The following AGBL4 variants were observed in gnomAD, a reference collection of about 807,000 sequenced individuals.
The protein encoded by AGBL4 is cytosolic carboxypeptidase 6.
A neutral mutation model predicts 66.4 loss-of-function variants in AGBL4; 58 were observed. The ratio of observed to expected loss-of-function variants is 0.87; its 90% CI spans 0.71 to 1.09. The LOEUF is 1.09. Among genes scored for constraint, AGBL4 ranks in the 50% least tolerant of loss-of-function variants. The pLI, the probability that AGBL4 is intolerant of heterozygous loss-of-function variation, is 0.00. For synonymous variants in AGBL4, 234 were observed against 222.9 expected (o/e 1.05, Z -0.44); for missense variants, 579 against 631.0 (o/e 0.92, Z 0.88).
intron 9 of AGBL4, among the ~76,000 whole-genome samples, chr1:48,628,992 T>C (rs896949483): frequency 6.6e-6 from 1 of 151,898 alleles, no homozygotes; most frequent in Non-Finnish European, 1.5e-5. Context: ...CCTATTAATC[T>C]CTGTAACCCC....
intron 6 of AGBL4, among the ~76,000 whole-genome samples, chr1:48,840,066 T>C (rs1162065734): frequency 6.6e-6 from 1 of 152,144 alleles, no homozygotes; most frequent in Non-Finnish European, 1.5e-5. Context: ...AGTGGAAAGA[T>C]GATGAGTGTG....
intron 2 of AGBL4, among the ~76,000 whole-genome samples, chr1:49,833,956 T>G (rs969858914): frequency 6.6e-6 from 1 of 152,184 alleles, no homozygotes; most frequent in Admixed American, 6.5e-5. Context: ...CAATTTGACT[T>G]CCTCTTTGTG....
At chr1:49,681,078 C>A (rs1262523915) in intron 3 of AGBL4, among the ~76,000 whole-genome samples, 1 of 151,936 alleles carries the variant, frequency 6.6e-6, no homozygotes, top group Non-Finnish European at 1.5e-5. Context: ...TTCTTTGTAT[C>A]TTCTATTTCA....
At chr1:48,957,574 A>G (rs185484234) in intron 5 of AGBL4, among the ~76,000 whole-genome samples, 22 of 152,296 alleles carry the variant, frequency 1.4e-4, no homozygotes, top group African/African-American at 5.1e-4. Context: ...CACCAACAAC[A>G]GATGATTTCC....
chr1:49,031,982 G>GA (rs1475924238), intron 5 of AGBL4, among the ~76,000 whole-genome samples: 3 of 152,090 alleles, frequency 2.0e-5, no homozygotes, highest in African/African-American at 7.2e-5. Flanking sequence ...ATTCCATGAA[G>GA]AAAAAAATGT....
At chr1:48,780,692 TAATA>T (rs1231709216) in intron 6 of AGBL4, among the ~76,000 whole-genome samples, 2 of 152,202 alleles carry the variant, frequency 1.3e-5, no homozygotes, top group Non-Finnish European at 2.9e-5. Flanking sequence ...ATTCCCTGTT[TAATA>T]AATAGTGTTA....
intron 7 of AGBL4, among the ~76,000 whole-genome samples, chr1:48,654,000 A>G (rs1224565416): frequency 6.6e-6 from 1 of 152,086 alleles, no homozygotes. Context: ...TGTACTCCAA[A>G]TGTGCTTCTT....
At chr1:48,654,039 G>T in intron 7 of AGBL4, among the ~76,000 whole-genome samples, 1 of 152,114 alleles carries the variant, frequency 6.6e-6, no homozygotes, top group East Asian at 1.9e-4. Context: ...TCTGTTCCAG[G>T]ACTCCAGGGA....
intron 1 of AGBL4, among the ~76,000 whole-genome samples, chr1:50,008,047 G>A (rs1661266303): frequency 6.6e-6 from 1 of 152,144 alleles, no homozygotes; most frequent in African/African-American, 2.4e-5. Flanking sequence ...TAGAGTTGAA[G>A]AGATAGATAG....
chr1:49,416,035 A>G (rs532660545), intron 3 of AGBL4, among the ~76,000 whole-genome samples: 7 of 152,124 alleles, frequency 4.6e-5, no homozygotes, highest in Admixed American at 4.6e-4. Context: ...CCTTGGATTT[A>G]TCCAGGGGTC....
At chr1:49,769,783 A>G (rs1229020558) in intron 2 of AGBL4, among the ~76,000 whole-genome samples, 1 of 152,208 alleles carries the variant, frequency 6.6e-6, no homozygotes, top group East Asian at 1.9e-4. Flanking sequence ...ACTGATCCCT[A>G]CCTATCAAGT....
chr1:48,852,276 C>A (rs1430982603), intron 6 of AGBL4, among the ~76,000 whole-genome samples: 4 of 152,062 alleles, frequency 2.6e-5, no homozygotes, highest in African/African-American at 9.7e-5. Flanking sequence ...AGACTCTATT[C>A]TTTTGTCCCA....
chr1:48,679,890 T>G (rs1401213423), intron 6 of AGBL4, among the ~76,000 whole-genome samples: 1 of 152,264 alleles, frequency 6.6e-6, no homozygotes, highest in Non-Finnish European at 1.5e-5. Flanking sequence ...GGCCGCCGTG[T>G]GTCCCAGCTC....
At chr1:48,904,374 T>C (rs3121530) in intron 5 of AGBL4, among the ~76,000 whole-genome samples, 128,696 of 152,192 alleles carry the variant, frequency 0.85, 56,120 homozygotes, top group Non-Finnish European at 0.96. Flanking sequence ...GAAACATGCA[T>C]GGCCATGGGT....
chr1:49,296,315 A>T (rs377446786), intron 3 of AGBL4, among the ~76,000 whole-genome samples: 1 of 152,188 alleles, frequency 6.6e-6, no homozygotes, highest in Non-Finnish European at 1.5e-5. Flanking sequence ...CTAGGATTCA[A>T]CCTTGAGTAT....
intron 3 of AGBL4, among the ~76,000 whole-genome samples, chr1:49,567,130 G>A (rs539096782): frequency 2.7e-4 from 41 of 152,346 alleles, no homozygotes; most frequent in African/African-American, 8.4e-4. Flanking sequence ...CTAGTGTGCC[G>A]TTTGTTAAGA....
intron 9 of AGBL4, among the ~76,000 whole-genome samples, chr1:48,596,627 G>A (rs1490770058): frequency 6.6e-6 from 1 of 151,664 alleles, no homozygotes; most frequent in Non-Finnish European, 1.5e-5. Context: ...AATTTTTTTT[G>A]TAGAGACAAG....
intron 3 of AGBL4, among the ~76,000 whole-genome samples, chr1:49,420,101 C>A (rs1645510942): frequency 6.6e-6 from 1 of 152,176 alleles, no homozygotes; most frequent in South Asian, 2.1e-4. Flanking sequence ...TCTAATAGCA[C>A]AAATGACCTG....
intron 3 of AGBL4, among the ~76,000 whole-genome samples, chr1:49,310,538 G>A (rs1224402558): frequency 1.3e-5 from 2 of 152,064 alleles, no homozygotes; most frequent in Non-Finnish European, 2.9e-5. Context: ...AGAAAATACT[G>A]TCTAAATTGT....
Sources: gnomAD v4.1 joint callset for allele counts (sites outside exome capture counted in the v4.1 genomes callset) on GRCh38, gnomAD v4.1.1 for gene constraint, MANE v1.5 for transcripts, NCBI Gene and HGNC (gene_info 2026-07-23, HGNC 2026-07-21) for gene names.